The following LRMDA variants were observed in gnomAD, a reference collection of about 807,000 sequenced individuals.
The protein encoded by LRMDA is leucine rich melanocyte differentiation associated, also known as leucine-rich melanocyte differentiation-associated protein.
Under a neutral mutation model 29.8 loss-of-function variants are expected in LRMDA, and 18 were observed. The observed-to-expected ratio is 0.60, with a 90% CI of 0.42 to 0.90. The LOEUF is 0.90. LRMDA is among the 40% of genes least tolerant of loss of function. The pLI is 0.00. For missense variants in LRMDA, 273 were observed against 273.9 expected, an observed-to-expected ratio of 1.00 and a Z score of 0.02; for synonymous variants, 125 against 109.4, an observed-to-expected ratio of 1.14 and a Z score of -0.89.
intron 2 of LRMDA, among the ~76,000 whole-genome samples, chr10:75,664,066 G>A (rs1477644474): frequency 1.3e-5 from 2 of 152,172 alleles, no homozygotes; most frequent in African/African-American, 2.4e-5. Context: ...ACTTTGGCCA[G>A]TACTGTTCTA....
chr10:75,742,550 A>G (rs768506947), intron 2 of LRMDA, among the ~76,000 whole-genome samples: 22 of 152,340 alleles, frequency 1.4e-4, no homozygotes, highest in Non-Finnish European at 2.9e-4. Flanking sequence ...GATAAGCCAC[A>G]TGGGGACAGC....
At chr10:76,239,372 A>G (rs1379107373) in intron 5 of LRMDA, among the ~76,000 whole-genome samples, 1 of 152,202 alleles carries the variant, frequency 6.6e-6, no homozygotes, top group Non-Finnish European at 1.5e-5. Flanking sequence ...AAAAAGAATA[A>G]TAATTCCATA....
At chr10:76,281,821 G>A (rs550516258) in intron 5 of LRMDA, among the ~76,000 whole-genome samples, 3 of 152,280 alleles carry the variant, frequency 2.0e-5, no homozygotes, top group South Asian at 4.1e-4. Flanking sequence ...TTTTTTGTGT[G>A]TAGGAAGGTG....
At chr10:76,432,129 T>G (rs935953469) in intron 6 of LRMDA, among the ~76,000 whole-genome samples, 7 of 152,190 alleles carry the variant, frequency 4.6e-5, no homozygotes, top group African/African-American at 1.4e-4. Flanking sequence ...CCTGGCTGAT[T>G]ATCTCCAAAC....
At chr10:76,190,982 G>T (rs772593732) in intron 5 of LRMDA, among the ~76,000 whole-genome samples, 1 of 152,122 alleles carries the variant, frequency 6.6e-6, no homozygotes, top group Non-Finnish European at 1.5e-5. Flanking sequence ...AACCCCGAGC[G>T]GCTTTGCTCT....
intron 2 of LRMDA, among the ~76,000 whole-genome samples, chr10:75,686,937 C>T (rs1400065968): frequency 6.6e-6 from 1 of 152,132 alleles, no homozygotes; most frequent in Non-Finnish European, 1.5e-5. Flanking sequence ...ATCTGTGATC[C>T]ATGAACTTTG....
At chr10:75,442,895 G>C (rs187394402) in intron 2 of LRMDA, among the ~76,000 whole-genome samples, 4 of 152,000 alleles carry the variant, frequency 2.6e-5, no homozygotes, top group African/African-American at 7.2e-5. Flanking sequence ...ATGTTTTGTA[G>C]TTTTCATTGT....
intron 2 of LRMDA, among the ~76,000 whole-genome samples, chr10:75,516,340 A>G (rs769284217): frequency 4.6e-5 from 7 of 152,142 alleles, no homozygotes; most frequent in South Asian, 4.1e-4. Context: ...AAGCGTTCCT[A>G]TTTCTCCACA....
chr10:75,581,687 G>A (rs551197998), intron 2 of LRMDA, among the ~76,000 whole-genome samples: 3 of 143,592 alleles, frequency 2.1e-5, no homozygotes, highest in African/African-American at 4.9e-5. Context: ...CACAAGAACA[G>A]AAAACCAAAC....
intron 6 of LRMDA, among the ~76,000 whole-genome samples, chr10:76,384,467 A>G (rs190816957): frequency 3.3e-5 from 5 of 152,204 alleles, no homozygotes; most frequent in Admixed American, 6.5e-5. Flanking sequence ...CTAATATCCA[A>G]TTTTCTTTTT....
At chr10:75,509,969 AACAG>A (rs964019558) in intron 2 of LRMDA, among the ~76,000 whole-genome samples, 1 of 152,168 alleles carries the variant, frequency 6.6e-6, no homozygotes, top group African/African-American at 2.4e-5. Flanking sequence ...TTTCCTCCAA[AACAG>A]ACAGGGTTGC....
At chr10:76,340,499 G>A (rs1364497351) in intron 6 of LRMDA, among the ~76,000 whole-genome samples, 1 of 117,872 alleles carries the variant, frequency 8.5e-6, no homozygotes, top group Non-Finnish European at 1.7e-5. Context: ...CTAGGTGACA[G>A]AGTGAGAACC....
intron 6 of LRMDA, among the ~76,000 whole-genome samples, chr10:76,335,047 C>A (rs537214214): frequency 6.6e-6 from 1 of 152,094 alleles, no homozygotes; most frequent in Non-Finnish European, 1.5e-5. Context: ...ACTTTCCCTG[C>A]GTGAGTTCCA....
chr10:76,104,544 T>C (rs945988872), intron 5 of LRMDA, among the ~76,000 whole-genome samples: 2 of 151,444 alleles, frequency 1.3e-5, no homozygotes, highest in African/African-American at 2.4e-5. Flanking sequence ...CCTGCAGCTC[T>C]GGGTCTCCCT....
At chr10:75,751,114 G>T (rs1446251517) in intron 2 of LRMDA, among the ~76,000 whole-genome samples, 1 of 152,254 alleles carries the variant, frequency 6.6e-6, no homozygotes, top group Non-Finnish European at 1.5e-5. Context: ...AGGAGCTGGA[G>T]ACCAGTCCGG....
At chr10:76,100,996 C>T (rs1849386362) in intron 5 of LRMDA, among the ~76,000 whole-genome samples, 1 of 151,828 alleles carries the variant, frequency 6.6e-6, no homozygotes, top group Admixed American at 6.6e-5. Context: ...CTGAATTCTT[C>T]ACATCCAGGC....
chr10:76,161,858 A>T (rs1219414145), intron 5 of LRMDA, among the ~76,000 whole-genome samples: 1 of 152,224 alleles, frequency 6.6e-6, no homozygotes, highest in Non-Finnish European at 1.5e-5. Flanking sequence ...AGAAAATCAG[A>T]TTCAGTGGGA....
chr10:76,020,125 T>C (rs1168744593), intron 2 of LRMDA, among the ~76,000 whole-genome samples: 1 of 152,218 alleles, frequency 6.6e-6, no homozygotes, highest in African/African-American at 2.4e-5. Flanking sequence ...GAGGAAGGGC[T>C]GCTTGGCAGC....
chr10:75,802,022 T>C (rs972917437), intron 2 of LRMDA, among the ~76,000 whole-genome samples: 12 of 152,072 alleles, frequency 7.9e-5, no homozygotes, highest in African/African-American at 1.4e-4. Context: ...TCTTGCTACA[T>C]AGAAAAACAC....
Sources: allele counts gnomAD v4.1 joint callset (sites outside exome capture counted in the v4.1 genomes callset), GRCh38; gene constraint gnomAD v4.1.1; transcripts MANE v1.5; gene names NCBI Gene and HGNC (gene_info 2026-07-23, HGNC 2026-07-21).